Variants in TPP2 observed in about 807,000 individuals in gnomAD.
TPP2 encodes the protein tripeptidyl-peptidase 2.
A neutral mutation model predicts 155.9 loss-of-function variants in TPP2; 34 were observed. That is an observed-to-expected ratio of 0.22 (90% CI 0.17 to 0.29). The LOEUF is 0.29. TPP2 is among the 10% of genes least tolerant of loss of function. The pLI is 1.00. For synonymous variants in TPP2, 510 were observed against 529.4 expected (o/e 0.96, Z 0.50); for missense variants, 1,028 against 1,522.3 (o/e 0.68, Z 5.40).
At chr13:102,673,573 A>G (rs910622586) in intron 27 of TPP2, among the ~76,000 whole-genome samples, 24 of 152,332 alleles carry the variant, frequency 1.6e-4, no homozygotes, top group African/African-American at 5.5e-4. Flanking sequence ...CGTGGAATGC[A>G]TTGAAGAAAA....
At chr13:102,664,701 G>A in intron 26 of TPP2, 94 bp from the exon 27 acceptor site, 3 of 1,285,778 alleles carry the variant, frequency 2.3e-6, no homozygotes, top group Non-Finnish European at 3.2e-6. Flanking sequence ...TCACACTGCA[G>A]TTGTAGGTCT....
intron 1 of TPP2, among the ~76,000 whole-genome samples, chr13:102,599,234 T>C (rs1033638788): frequency 1.3e-5 from 2 of 152,248 alleles, no homozygotes; most frequent in Non-Finnish European, 2.9e-5. Context: ...AGGGTAAATA[T>C]ATGTTAGATA....
intron 2 of TPP2, among the ~76,000 whole-genome samples, chr13:102,609,933 A>G (rs1291156446): frequency 6.6e-6 from 1 of 152,098 alleles, no homozygotes; most frequent in East Asian, 1.9e-4. Flanking sequence ...TTTGGGCAGG[A>G]TGTGGGATGG....
intron 27 of TPP2, among the ~76,000 whole-genome samples, chr13:102,672,425 C>T (rs201843794): frequency 2.6e-5 from 4 of 152,186 alleles, no homozygotes; most frequent in African/African-American, 7.2e-5. Context: ...TGTTATCTGC[C>T]GTTTGCTCTC....
At chr13:102,651,245 C>T in intron 23 of TPP2, 114 bp from the exon 24 acceptor site, 1 of 1,152,874 alleles carries the variant, frequency 8.7e-7, no homozygotes, top group Non-Finnish European at 1.2e-6. Context: ...CCTGAGCCTT[C>T]TAAGTGGTGT....
rs886649207 is a variant in TPP2, at chr13:102,651,253, T to G, written c.2953-106T>G. On this transcript the variant is annotated intron_variant, in intron 23 of 29. Coordinates refer to ENST00000376052, the MANE Select transcript of TPP2 (RefSeq NM_001330588.2). ...TCACAGACCTGAGCCTTCTAAGTGG[T>G]GTAACACAGGTGGAACATAAACTGA... 3.1e-6 allele frequency: 4 copies of G among 1,277,046 alleles called. No individual in the cohort carries two copies. The African/African-American group carries it at 4.5e-5, about 14-fold the overall frequency. 79.1% of individuals were successfully genotyped at this position (1,277,046 alleles called of 1,614,324 possible).
intron 4 of TPP2, among the ~76,000 whole-genome samples, chr13:102,617,828 A>C (rs1242773096): frequency 2.6e-5 from 4 of 152,150 alleles, no homozygotes; most frequent in African/African-American, 9.7e-5. Context: ...TATCATGAAA[A>C]CCTAGGCAAT....
intron 11 of TPP2, 63 bp from the exon 12 acceptor site, chr13:102,635,524 G>T: frequency 8.6e-7 from 1 of 1,165,882 alleles, no homozygotes; most frequent in South Asian, 1.3e-5. Flanking sequence ...CGATCATACT[G>T]GTGGGCGGCT....
chr13:102,614,312 T>G (rs1880552495), intron 3 of TPP2, 116 bp downstream of exon 3: 1 of 896,460 alleles, frequency 1.1e-6, no homozygotes, highest in Non-Finnish European at 1.6e-6. Context: ...CTTAGTTTTT[T>G]GGGTGGTTGG....
Position 102,636,237 on chromosome 13 carries a change from A to G in TPP2, c.1523A>G (p.Tyr508Cys). Residue 508 changes from tyrosine to cysteine, a missense_variant, in exon 13 of 30, where the codon TAT (tyrosine) becomes TGT (cysteine). By Grantham distance (194) the Tyr-to-Cys change is radical (BLOSUM62 -2). Transcript: ENST00000376052. ...TATTTTCACTAGGTTGATAAAGCCT[A>G]TGACTACCTCGTTCAGAATACATCA... Reference protein sequence around the residue: ...GHGIIQVDKAYDYLVQNTSFA... With the variant: ...GHGIIQVDKACDYLVQNTSFA... The G allele has an allele frequency of 1.2e-6, 2 of 1,611,490 alleles. No homozygotes were observed. The highest frequency in any genetic ancestry group is 2.2e-5 in the East Asian group (1 of 44,824).
intron 1 of TPP2, among the ~76,000 whole-genome samples, chr13:102,599,945 T>C (rs758154094): frequency 6.6e-6 from 1 of 151,698 alleles, no homozygotes; most frequent in Non-Finnish European, 1.5e-5. Flanking sequence ...CAGTCTTGTT[T>C]CTCTTTGATC....
intron 10 of TPP2, among the ~76,000 whole-genome samples, chr13:102,633,453 T>C (rs1882156635): frequency 6.6e-6 from 1 of 152,248 alleles, no homozygotes; most frequent in African/African-American, 2.4e-5. Context: ...TTTTGCTATG[T>C]CTAGTTAAAC....
intron 24 of TPP2, among the ~76,000 whole-genome samples, chr13:102,652,126 G>C (rs768375979): frequency 6.6e-6 from 1 of 151,962 alleles, no homozygotes; most frequent in South Asian, 2.1e-4. Context: ...CTGTAATCCC[G>C]GCACTTTGGG....
chr13:102,678,404 C>A lies in TPP2; in HGVS notation c.*88C>A. On this transcript the variant is annotated 3_prime_UTR_variant, in exon 30 of 30. Transcript: ENST00000376052. ...AATTTGTGGCATTTTTAGTCTAATG[C>A]ATGTTTTCATCCACTATCCAGTACT... 2 of 1,096,622 alleles carry A rather than the reference C, an allele frequency of 1.8e-6. No individual in the cohort carries two copies. The highest frequency in any genetic ancestry group is 2.7e-6 in the Non-Finnish European group (2 of 734,756). The allele number at this position is 1,096,622 out of a possible 1,614,324, so 67.9% of individuals were successfully genotyped here.
chr13:102,665,086 A>G, intron 27 of TPP2, 161 bp downstream of exon 27: 2 of 1,002,002 alleles, frequency 2.0e-6, no homozygotes, highest in Non-Finnish European at 2.8e-6. Flanking sequence ...AGAAATTTTA[A>G]AATAATTTTG....
At chr13:102,643,884 C>G (rs768978416) in intron 17 of TPP2, among the ~76,000 whole-genome samples, 3 of 152,016 alleles carry the variant, frequency 2.0e-5, no homozygotes, top group South Asian at 2.1e-4. Context: ...TACTGATGTT[C>G]TTCCTTCAAT....
chr13:102,649,230 C>T (rs946992908), intron 22 of TPP2, 79 bp downstream of exon 22: 2 of 1,513,388 alleles, frequency 1.3e-6, no homozygotes, highest in Non-Finnish European at 1.8e-6. Context: ...GACATCTAGG[C>T]TAAATTTAGA....
chr13:102,626,932 A>G (rs1410829422), intron 6 of TPP2, 80 bp from the exon 7 acceptor site: 1 of 1,360,050 alleles, frequency 7.4e-7, no homozygotes, highest in Non-Finnish European at 9.7e-7. Flanking sequence ...TTTTATCATG[A>G]TTAATAATAT....
At chr13:102,645,617 A>G (rs1009188533) in intron 19 of TPP2, among the ~76,000 whole-genome samples, 2 of 152,254 alleles carry the variant, frequency 1.3e-5, no homozygotes, top group South Asian at 4.1e-4. Flanking sequence ...AGAATTATCA[A>G]TAAAAATTAA....
Sources: gnomAD v4.1 joint callset for allele counts (sites outside exome capture counted in the v4.1 genomes callset) on GRCh38, gnomAD v4.1.1 for gene constraint, MANE v1.5 for transcripts, NCBI Gene and HGNC (gene_info 2026-07-23, HGNC 2026-07-21) for gene names.